LSM6: variants seen among roughly 807,000 people sequenced by gnomAD.
LSM6 encodes the protein LSM6 homolog, U6 small nuclear RNA and mRNA degradation associated, also known as U6 snRNA-associated Sm-like protein LSm6.
Under a neutral mutation model 13.5 loss-of-function variants are expected in LSM6, and 2 were observed. That is an observed-to-expected ratio of 0.15 (90% CI 0.06 to 0.47). The LOEUF (loss-of-function observed/expected upper bound fraction) is 0.47, where lower values mean the gene tolerates loss of function less well. Among genes scored for constraint, LSM6 ranks in the 20% least tolerant of loss-of-function variants. LSM6 has a pLI of 0.97. For missense variants in LSM6, 58 were observed against 96.4 expected, an observed-to-expected ratio of 0.60 and a Z score of 1.67; for synonymous variants, 43 against 34.9, an observed-to-expected ratio of 1.23 and a Z score of -0.82.
At chr4:146,182,045 TTGAC>T (rs1006853514) in intron 1 of LSM6, among the ~76,000 whole-genome samples, 2 of 152,338 alleles carry the variant, frequency 1.3e-5, no homozygotes, top group East Asian at 1.9e-4. Context: ...TTAAAAATCT[TTGAC>T]TGTGTTATTG....
rs906472756 is a variant in LSM6 at position 146,180,127 on chromosome 4, C to A, written c.-10-2785C>A. ...GACGCCTTTTCCTTCAAATTCAGCT[C>A]AGGTGTTAACTTCCAGAAATTCTTT... On this transcript the variant is annotated intron_variant, in intron 1 of 3. Transcript: ENST00000296581. 1.3e-5 allele frequency among the ~76,000 whole-genome samples: 2 copies of A among 152,236 alleles called. 1 individual carries two copies. Among genetic ancestry groups the A allele is most frequent in the Non-Finnish European group, 2.9e-5 (2 of 68,046 alleles).
Position 146,187,358 on chromosome 4 carries a change from A to T in LSM6, c.179A>T (p.Tyr60Phe). The change falls in exon 3 of 4, where the codon TAT becomes TTT. Residue 60 changes from tyrosine (Y) to phenylalanine (F), a missense_variant. Transcript: ENST00000296581. ...GTAAATGGACAACTGAAGAATAAGT[A>T]TGGGGATGCATTTATCCGAGGAAAC... ...EYVNGQLKNK[Y>F]GDAFIRGNNV... The T allele has an allele frequency of 1.9e-6, 3 of 1,611,432 alleles. No individual in the cohort carries two copies. The highest frequency in any genetic ancestry group is 2.5e-6 in the Non-Finnish European group (3 of 1,177,544).
chr4:146,183,933 C>T (rs868003624), intron 2 of LSM6, among the ~76,000 whole-genome samples: 7 of 146,714 alleles, frequency 4.8e-5, no homozygotes, highest in East Asian at 2.0e-4. Context: ...AGTGCAGCGG[C>T]GCGATCTCGG....
intron 1 of LSM6, among the ~76,000 whole-genome samples, chr4:146,178,356 A>C (rs1485218089): frequency 6.6e-6 from 1 of 152,150 alleles, no homozygotes; most frequent in Non-Finnish European, 1.5e-5. Context: ...CTCTGAGTGG[A>C]CTCACTTCGC....
intron 1 of LSM6, among the ~76,000 whole-genome samples, chr4:146,176,928 A>T (rs1334565242): frequency 6.6e-6 from 1 of 152,172 alleles, no homozygotes. Context: ...TTAGGCCTTC[A>T]TACACATTGC....
chr4:146,185,445 G>T (rs1463686564), intron 2 of LSM6, among the ~76,000 whole-genome samples: 1 of 149,744 alleles, frequency 6.7e-6, no homozygotes, highest in African/African-American at 2.5e-5. Flanking sequence ...CCTTACTAAA[G>T]GAACGTGCTT....
In LSM6 at chr4:146,189,951, A is replaced by G. The variant is rs1210731733; in HGVS notation, c.*295A>G. 1 of 282,508 alleles carries G rather than the reference A, an allele frequency of 3.5e-6. No individual in the cohort carries two copies. Among genetic ancestry groups the G allele is most frequent in the Non-Finnish European group, 6.5e-6 (1 of 153,382 alleles). 17.5% of individuals were successfully genotyped at this position (282,508 alleles called of 1,614,324 possible). A position where few individuals can be genotyped will look rare whatever the true frequency, so the allele number is the denominator to read the frequency against. ...AGATTATTTAACTTAAGTTTCGAGA[A>G]GTGTCATTTCATTTGACTTGCTTTT... On this transcript the variant is annotated 3_prime_UTR_variant, in exon 4 of 4. Coordinates refer to ENST00000296581, the MANE Select transcript of LSM6 (RefSeq NM_007080.3).
intron 2 of LSM6, among the ~76,000 whole-genome samples, chr4:146,185,267 C>T (rs1730320397): frequency 6.6e-6 from 1 of 152,036 alleles, no homozygotes; most frequent in African/African-American, 2.4e-5. Context: ...AGCTTTTTTT[C>T]ATCTTTTCCA....
chr4:146,182,411 A>C (rs1287347166), intron 1 of LSM6, among the ~76,000 whole-genome samples: 1 of 152,250 alleles, frequency 6.6e-6, no homozygotes, highest in Non-Finnish European at 1.5e-5. Context: ...TTTGGGAACA[A>C]ATTATTTAAT....
chr4:146,176,228 C>T (rs1354281791), intron 1 of LSM6: 1 of 152,298 alleles, frequency 6.6e-6, no homozygotes, highest in African/African-American at 2.4e-5. Flanking sequence ...CAGGCCTAGG[C>T]TTCGCCTGTC....
At chr4:146,183,400 A>G (rs1730274186) in intron 2 of LSM6, 1 of 193,846 alleles carries the variant, frequency 5.2e-6, no homozygotes, top group Non-Finnish European at 1.1e-5. Context: ...GCTGTTGAGT[A>G]TCATTTTACA....
chr4:146,180,443 A>G (rs972547253), intron 1 of LSM6, among the ~76,000 whole-genome samples: 10 of 152,376 alleles, frequency 6.6e-5, no homozygotes, highest in African/African-American at 2.2e-4. Context: ...TGGTGAGCTT[A>G]GAAGAACATA....
intron 2 of LSM6, among the ~76,000 whole-genome samples, chr4:146,184,534 A>T (rs566164275): frequency 1.3e-5 from 2 of 152,160 alleles, no homozygotes; most frequent in Non-Finnish European, 2.9e-5. Flanking sequence ...ATGGATTCAT[A>T]CGGAATACTG....
chr4:146,191,168 G>A lies in LSM6; in HGVS notation c.*1512G>A, dbSNP rs1730461408. On this transcript the variant is annotated 3_prime_UTR_variant, in exon 4 of 4. Coordinates refer to ENST00000296581, the MANE Select transcript of LSM6 (RefSeq NM_007080.3). The stretch of plus-strand genomic sequence containing the variant: ...GTATGTAAGTACAAATCACCAATTT[G>A]CTCTTTTATAAATGAGTTCTTTTAA... The A allele has an allele frequency of 6.6e-6, 1 of 152,138 alleles. No individual in the cohort carries two copies. Among genetic ancestry groups the A allele is most frequent in the African/African-American group, 2.4e-5 (1 of 41,418 alleles). 9.4% of individuals were successfully genotyped at this position (152,138 alleles called of 1,614,324 possible).
chr4:146,181,081 T>C (rs1252537816), intron 1 of LSM6: 1 of 152,232 alleles, frequency 6.6e-6, no homozygotes, highest in Non-Finnish European at 1.5e-5. Context: ...ATTGTAGTTA[T>C]CTGTTGAGAT....
chr4:146,189,527 A>G (rs984447207), intron 3 of LSM6, 95 bp from the exon 4 acceptor site: 7 of 741,616 alleles, frequency 9.4e-6, no homozygotes, highest in Admixed American at 2.7e-5. Flanking sequence ...TGTCAGATGT[A>G]TCAGACCAAA....
intron 1 of LSM6, among the ~76,000 whole-genome samples, chr4:146,181,517 A>C (rs1730231185): frequency 6.6e-6 from 1 of 152,356 alleles, no homozygotes; most frequent in Admixed American, 6.5e-5. Context: ...ATTCACTATG[A>C]GAACGTCTCC....
chr4:146,178,339 A>C (rs1730155762), intron 1 of LSM6, among the ~76,000 whole-genome samples: 1 of 152,232 alleles, frequency 6.6e-6, no homozygotes, highest in South Asian at 2.1e-4. Flanking sequence ...GAGAGTGGAA[A>C]GAGGTGCTCT....
At chr4:146,186,637 G>C (rs1730355476) in intron 2 of LSM6, among the ~76,000 whole-genome samples, 1 of 152,142 alleles carries the variant, frequency 6.6e-6, no homozygotes, top group South Asian at 2.1e-4. Context: ...TATTATAGCT[G>C]TAACAAAACA....
Sources: gnomAD v4.1 joint callset for allele counts (sites outside exome capture counted in the v4.1 genomes callset) on GRCh38, gnomAD v4.1.1 for gene constraint, MANE v1.5 for transcripts, NCBI Gene and HGNC (gene_info 2026-07-23, HGNC 2026-07-21) for gene names.